KHDC4: variants seen among roughly 807,000 people sequenced by gnomAD.
KHDC4 encodes KH domain containing 4, pre-mRNA splicing factor.
A neutral mutation model predicts 74.5 loss-of-function variants in KHDC4; 19 were observed. The observed-to-expected ratio is 0.26, with a 90% CI of 0.18 to 0.37. The LOEUF is 0.37. KHDC4 is among the 10% of genes least tolerant of loss of function. KHDC4 has a pLI of 1.00. For synonymous variants in KHDC4, 253 were observed against 266.1 expected, an observed-to-expected ratio of 0.95 and a Z score of 0.48; for missense variants, 632 against 754.1, an observed-to-expected ratio of 0.84 and a Z score of 1.90.
intron 6 of KHDC4, among the ~76,000 whole-genome samples, chr1:155,926,289 T>C (rs998352766): frequency 6.6e-6 from 1 of 151,428 alleles, no homozygotes; most frequent in South Asian, 2.1e-4. Flanking sequence ...ATTTGGAATT[T>C]CACGATTTTT....
chr1:155,928,111 GC>G (rs1374010629), intron 4 of KHDC4, among the ~76,000 whole-genome samples: 1 of 152,158 alleles, frequency 6.6e-6, no homozygotes, highest in Non-Finnish European at 1.5e-5. Context: ...GGTGGCTCAT[GC>G]CTGTAATCCC....
In KHDC4 at chr1:155,929,347, G is replaced by A; in HGVS notation, c.413C>T (p.Ser138Leu). The A allele has an allele frequency of 6.2e-7, 1 of 1,614,032 alleles. No individual in the cohort carries two copies. The highest frequency in any genetic ancestry group is 2.2e-5 in the East Asian group (1 of 44,882). The change falls in exon 4 of 14, where the codon TCA (serine) becomes TTA (leucine). Residue 138 changes from serine (S) to leucine (L), a missense_variant. Around this residue, in one of 4 missense-constraint regions of KHDC4, gnomAD observed 233 missense variants for 342.6 expected, o/e 0.68. Coordinates refer to ENST00000368321, the MANE Select transcript of KHDC4 (RefSeq NM_014949.4). ...EISRLSGAAV[S>L]TRGRFMTTEE... ...AGTTGTCATGAACCTCCCTCGAGTT[G>A]ATACTGCAGCCCCACTAAGTCGGCT...
At chr1:155,931,966 G>A (rs78966027) in intron 2 of KHDC4, among the ~76,000 whole-genome samples, 1 of 152,136 alleles carries the variant, frequency 6.6e-6, no homozygotes, top group Non-Finnish European at 1.5e-5. Flanking sequence ...TCTATCAGTC[G>A]AATATGGTAG....
At chr1:155,927,274 T>C in intron 4 of KHDC4, 118 bp from the exon 5 acceptor site, 1 of 738,422 alleles carries the variant, frequency 1.4e-6, no homozygotes, top group Middle Eastern at 2.4e-4. Flanking sequence ...AAAGGGACTA[T>C]ATACATTAGA....
Position 155,927,832 on chromosome 1 carries a change from C to CCACACACACACACA in KHDC4, c.465-690_465-677dup, listed in dbSNP as rs199711249. On this transcript the variant is annotated intron_variant, in intron 4 of 13. Coordinates refer to ENST00000368321, the MANE Select transcript of KHDC4 (RefSeq NM_014949.4). Reference sequence around the variant, plus strand: ...AAAAAAAAAAAAAAAAAAAAAAAAACCACACACACACACACACACACACAC... The same window carrying CCACACACACACACA: ...AAAAAAAAAAAAAAAAAAAAAAAAACCACACACACACACACACACACACACACACACACACACAC... 2.9e-3 allele frequency among the ~76,000 whole-genome samples: 260 copies of CCACACACACACACA among 90,918 alleles called. 1 individual carries two copies. The highest frequency in any genetic ancestry group is 6.3e-3 in the Middle Eastern group (1 of 158). The allele number at this position is 90,918 out of a possible 152,430, so 59.6% of individuals were successfully genotyped here.
chr1:155,928,951 CAAA>C (rs11406084), intron 4 of KHDC4, among the ~76,000 whole-genome samples: 5 of 93,132 alleles, frequency 5.4e-5, no homozygotes, highest in Non-Finnish European at 4.5e-5. Flanking sequence ...GACTCCATCT[CAAA>C]AAAAAAAAAA....
chr1:155,917,678 AC>A lies in KHDC4; in HGVS notation c.1267-7del. ...AAAGGACCACCCATCGGACTCTGGGACCAAAACAAACCAAGGAAGAAAAAAA... is the reference window on the plus strand; with the variant it reads ...AAAGGACCACCCATCGGACTCTGGGACAAAACAAACCAAGGAAGAAAAAAA... On this transcript the variant is annotated splice_region_variant and splice_polypyrimidine_tract_variant and intron_variant, in intron 10 of 13. Transcript: ENST00000368321. 6.7e-7 allele frequency: 1 copy of A among 1,502,210 alleles called. No homozygotes were observed. Among genetic ancestry groups the A allele is most frequent in the South Asian group, 1.3e-5 (1 of 76,164 alleles). 93.1% of individuals were successfully genotyped at this position (1,502,210 alleles called of 1,614,324 possible).
chr1:155,919,092 C>T (rs1244532308), intron 10 of KHDC4, among the ~76,000 whole-genome samples: 2 of 151,584 alleles, frequency 1.3e-5, no homozygotes, highest in African/African-American at 4.9e-5. Flanking sequence ...CTCAGCCTCC[C>T]AAGTAGCTGG....
At chr1:155,925,902 T>C (rs1673980968) in intron 6 of KHDC4, 59 bp from the exon 7 acceptor site, 3 of 1,337,560 alleles carry the variant, frequency 2.2e-6, no homozygotes, top group Admixed American at 1.7e-5. Context: ...TCCTCAATCT[T>C]TGAAATAAGT....
intron 10 of KHDC4, among the ~76,000 whole-genome samples, chr1:155,918,976 T>TG (rs1348156030): frequency 6.7e-6 from 1 of 149,326 alleles, no homozygotes; most frequent in Non-Finnish European, 1.5e-5. Flanking sequence ...TCCCAGTTTT[T>TG]TTTTTTTTTT....
In KHDC4 at chr1:155,913,327, ATCTC is replaced by A. The variant is rs1184926221; in HGVS notation, c.*790_*793del. 2 of 152,530 alleles carry A rather than the reference ATCTC, an allele frequency of 1.3e-5. No individual in the cohort carries two copies. Among genetic ancestry groups the A allele is most frequent in the African/African-American group, 2.4e-5 (1 of 41,462 alleles). The allele number at this position is 152,530 out of a possible 1,614,324, so 9.4% of individuals were successfully genotyped here. On this transcript the variant is annotated 3_prime_UTR_variant, in exon 14 of 14. Coordinates refer to ENST00000368321, the MANE Select transcript of KHDC4 (RefSeq NM_014949.4). ...CCAAAATCCTATAGCCAGCAGTCAGATCTCTCTGTTTTAGCTGCAACCAGTTCTG... is the reference window on the plus strand; with the variant it reads ...CCAAAATCCTATAGCCAGCAGTCAGATCTGTTTTAGCTGCAACCAGTTCTG...
chr1:155,916,549 T>C (rs1411380869), intron 12 of KHDC4, 76 bp downstream of exon 12: 7 of 952,582 alleles, frequency 7.3e-6, no homozygotes, highest in Non-Finnish European at 1.1e-5. Context: ...CTTAAGCTCA[T>C]AGCAATGATC....
Position 155,913,666 on chromosome 1 carries a change from G to A in KHDC4, c.*455C>T, listed in dbSNP as rs1481406278. 6.4e-6 allele frequency: 1 copy of A among 155,430 alleles called. No individual in the cohort carries two copies. Among genetic ancestry groups the A allele is most frequent in the African/African-American group, 2.4e-5 (1 of 41,488 alleles). 9.6% of individuals were successfully genotyped at this position (155,430 alleles called of 1,614,324 possible). A position where few individuals can be genotyped will look rare whatever the true frequency, so the allele number is the denominator to read the frequency against. On this transcript the variant is annotated 3_prime_UTR_variant, in exon 14 of 14. Transcript: ENST00000368321. The stretch of plus-strand genomic sequence containing the variant: ...ATCTGTCAGAATTAAATACTGAAAA[G>A]GACGGTCTTAAAATCATTTCCCCAC...
In KHDC4 at chr1:155,914,310, G is replaced by A. The variant is rs1673685302; in HGVS notation, c.1656C>T (p.Ala552=). 1 of 1,613,476 alleles carries A rather than the reference G, an allele frequency of 6.2e-7. No individual in the cohort carries two copies. Among genetic ancestry groups the A allele is most frequent in the East Asian group, 2.2e-5 (1 of 44,874 alleles). The change falls in exon 14 of 14, where the codon GCC becomes GCT. Residue 552 remains alanine, a synonymous_variant. Transcript: ENST00000368321. The stretch of plus-strand genomic sequence containing the variant: ...CCTTCTCTGTAGTTTTCATCTTCTT[G>A]GCTGGATAATCTAGAATAGAGAAAA... ...GTLTGSHDYP[A]KKMKTTEKGF...
At position 155,933,849 on chromosome 1, in the gene KHDC4, C is replaced by T. The variant is rs1189288069; in HGVS notation, c.39G>A (p.Gly13=). 22 of 1,532,854 alleles carry T rather than the reference C, an allele frequency of 1.4e-5. No individual in the cohort carries two copies. The highest frequency in any genetic ancestry group is 1.8e-5 in the Non-Finnish European group (21 of 1,136,936). 95.0% of individuals were successfully genotyped at this position (1,532,854 alleles called of 1,614,324 possible). The stretch of plus-strand genomic sequence containing the variant: ...CTGGTTGGTCCCATTTGCTGCGGCG[C>T]CTACATGGAGAAAAAGGAAAACATT... ...AGSATHPGAG[G]RRSKWDQPAP... Residue 13 remains glycine (G), a splice_region_variant and synonymous_variant, in exon 2 of 14, where the codon GGG becomes GGA. Coordinates refer to ENST00000368321, the MANE Select transcript of KHDC4 (RefSeq NM_014949.4).
chr1:155,919,048 A>G (rs1052933949), intron 10 of KHDC4, among the ~76,000 whole-genome samples: 3 of 147,120 alleles, frequency 2.0e-5, no homozygotes, highest in Non-Finnish European at 3.0e-5. Flanking sequence ...GCTCACTGCA[A>G]CCTCTGACTC....
chr1:155,920,226 T>G (rs1201887348), intron 10 of KHDC4, among the ~76,000 whole-genome samples: 1 of 148,846 alleles, frequency 6.7e-6, no homozygotes, highest in Non-Finnish European at 1.5e-5. Flanking sequence ...GATCATGAGG[T>G]CAGGAGATCG....
In KHDC4 at chr1:155,914,296, G is replaced by C. The variant is rs757941553; in HGVS notation, c.1670C>G (p.Thr557Ser). ...CACCAAGCCAAATCCCTTCTCTGTA[G>C]TTTTCATCTTCTTGGCTGGATAATC... ...SHDYPAKKMK[T>S]TEKGFGLVAY... Residue 557 changes from threonine (T) to serine (S), a missense_variant, in exon 14 of 14, where the codon ACT becomes AGT. Thr to Ser is a moderately conservative substitution (Grantham distance 58). Coordinates refer to ENST00000368321, the MANE Select transcript of KHDC4 (RefSeq NM_014949.4). 2.5e-6 allele frequency: 4 copies of C among 1,612,016 alleles called. No individual in the cohort carries two copies. Among genetic ancestry groups the C allele is most frequent in the Non-Finnish European group, 3.4e-6 (4 of 1,179,394 alleles).
intron 2 of KHDC4, among the ~76,000 whole-genome samples, chr1:155,932,066 C>T (rs1053340736): frequency 2.4e-4 from 37 of 152,274 alleles, no homozygotes; most frequent in African/African-American, 8.2e-4. Context: ...TTTTGCTTTG[C>T]TTTTTGCTTA....
Sources: allele counts gnomAD v4.1 joint callset (sites outside exome capture counted in the v4.1 genomes callset), GRCh38; gene constraint gnomAD v4.1.1; regional missense constraint gnomAD v4.1.1; transcripts MANE v1.5; gene names NCBI Gene and HGNC (gene_info 2026-07-23, HGNC 2026-07-21).